The following ATRNL1 variants were observed in gnomAD, a reference collection of about 807,000 sequenced individuals.
ATRNL1 encodes the protein attractin like 1, also known as attractin-like protein 1.
In ATRNL1, 95 loss-of-function variants were observed where a neutral mutation model predicts 182.7. That is an observed-to-expected ratio of 0.52 (90% CI 0.44 to 0.62). The LOEUF (loss-of-function observed/expected upper bound fraction) is 0.62. Ranked by LOEUF, ATRNL1 falls within the 20% of genes least tolerant of loss-of-function variation. ATRNL1 has a pLI of 0.00. For missense variants in ATRNL1, 1,471 were observed against 1,679.5 expected, an observed-to-expected ratio of 0.88 and a Z score of 2.17; for synonymous variants, 576 against 568.3, an observed-to-expected ratio of 1.01 and a Z score of -0.19.
intron 27 of ATRNL1, among the ~76,000 whole-genome samples, chr10:115,838,840 TA>T (rs1950739841): frequency 1.3e-5 from 2 of 152,148 alleles, no homozygotes; most frequent in Admixed American, 1.3e-4. Context: ...CTTGTAGAGT[TA>T]ATGTTCACCT....
chr10:115,117,552 T>C (rs1283608506), intron 1 of ATRNL1, among the ~76,000 whole-genome samples: 1 of 152,180 alleles, frequency 6.6e-6, no homozygotes, highest in Non-Finnish European at 1.5e-5. Context: ...TTTTTATGGC[T>C]GAATAGTAAT....
intron 27 of ATRNL1, among the ~76,000 whole-genome samples, chr10:115,744,359 A>G (rs1948229499): frequency 6.6e-6 from 1 of 152,076 alleles, no homozygotes; most frequent in Non-Finnish European, 1.5e-5. Flanking sequence ...CATAATTGAT[A>G]CTCTAGAATA....
At chr10:115,642,023 C>T (rs770880377) in intron 26 of ATRNL1, among the ~76,000 whole-genome samples, 17 of 151,888 alleles carry the variant, frequency 1.1e-4, no homozygotes, top group African/African-American at 3.4e-4. Flanking sequence ...AAAATAAACA[C>T]GCAGAGCAAT....
chr10:115,751,768 T>C (rs538392110), intron 27 of ATRNL1, among the ~76,000 whole-genome samples: 13 of 152,196 alleles, frequency 8.5e-5, no homozygotes, highest in African/African-American at 2.4e-4. Context: ...AAGTGGCAAG[T>C]TGAAAACAAA....
At chr10:115,516,821 T>A (rs1341742928) in intron 24 of ATRNL1, among the ~76,000 whole-genome samples, 1 of 151,916 alleles carries the variant, frequency 6.6e-6, no homozygotes, top group Admixed American at 6.6e-5. Flanking sequence ...GGATATAAGC[T>A]CATATATCAC....
intron 26 of ATRNL1, among the ~76,000 whole-genome samples, chr10:115,598,625 G>T (rs1856416596): frequency 6.6e-6 from 1 of 151,762 alleles, no homozygotes; most frequent in Non-Finnish European, 1.5e-5. Context: ...GCCTCTCAAA[G>T]TAAAAATTAT....
intron 24 of ATRNL1, among the ~76,000 whole-genome samples, chr10:115,488,307 T>A (rs1022198463): frequency 6.6e-6 from 1 of 152,190 alleles, no homozygotes; most frequent in African/African-American, 2.4e-5. Flanking sequence ...TACCAGTTCC[T>A]CTTGGTACCT....
intron 9 of ATRNL1, among the ~76,000 whole-genome samples, chr10:115,219,246 A>G (rs895103227): frequency 1.3e-5 from 2 of 151,972 alleles, no homozygotes; most frequent in South Asian, 4.1e-4. Flanking sequence ...AAAAAAAAAA[A>G]AAAGAAAAAG....
intron 9 of ATRNL1, among the ~76,000 whole-genome samples, chr10:115,221,030 T>C (rs547412428): frequency 7.6e-4 from 116 of 152,294 alleles, no homozygotes; most frequent in Non-Finnish European, 1.4e-3. Flanking sequence ...CCACCTCAGA[T>C]CATCAAGCAT....
chr10:115,234,312 T>C (rs1265937008), intron 9 of ATRNL1, among the ~76,000 whole-genome samples: 2 of 152,054 alleles, frequency 1.3e-5, no homozygotes, highest in Non-Finnish European at 2.9e-5. Context: ...ATATCTGTAG[T>C]TGTGTTCCCT....
chr10:115,228,283 A>T (rs11197127), intron 9 of ATRNL1, among the ~76,000 whole-genome samples: 33,430 of 152,132 alleles, frequency 0.22, 4,691 homozygotes, highest in Non-Finnish European at 0.31. Context: ...TTTAATAAGT[A>T]AGAGAGAATA....
At chr10:115,604,647 G>A (rs2769383) in intron 26 of ATRNL1, among the ~76,000 whole-genome samples, 45,458 of 151,994 alleles carry the variant, frequency 0.3, 7,912 homozygotes, top group East Asian at 0.68. Flanking sequence ...TTCCCATTTA[G>A]GATACCCTTC....
chr10:115,925,329 CA>C lies in ATRNL1; in HGVS notation c.4019-19328del, dbSNP rs565453154. Among the ~76,000 whole-genome samples the C allele has an allele frequency of 2.6e-5, 4 of 152,044 alleles. No homozygotes were observed. In the South Asian group the frequency reaches 8.3e-4, roughly 32 times the overall value. The stretch of plus-strand genomic sequence containing the variant: ...GAGGGCAAAATATAAAGACCAATGA[CA>C]CTATGAAGAAACTGAATCAACTAGT... On this transcript the variant is annotated intron_variant, in intron 28 of 28. Coordinates refer to ENST00000355044, the MANE Select transcript of ATRNL1 (RefSeq NM_207303.4).
Position 115,254,954 on chromosome 10 carries a change from A to G in ATRNL1, c.1688-10239A>G, listed in dbSNP as rs75317392. Among the ~76,000 whole-genome samples the G allele has an allele frequency of 8.4e-3, 1,280 of 152,098 alleles. 16 individuals carry two copies. The highest frequency in any genetic ancestry group is 0.026 in the African/African-American group (1,059 of 41,508). On this transcript the variant is annotated intron_variant, in intron 10 of 28. Coordinates refer to ENST00000355044, the MANE Select transcript of ATRNL1 (RefSeq NM_207303.4). ...AAAGATCAGATGTTTGTAGATGTGT[A>G]GTATTATTTCTGAGGGCTCTGTTCT...
At chr10:115,563,977 TG>T (rs1555000670) in intron 26 of ATRNL1, among the ~76,000 whole-genome samples, 2 of 152,244 alleles carry the variant, frequency 1.3e-5, no homozygotes, top group Middle Eastern at 3.4e-3. Context: ...GTTCTCCTCA[TG>T]TCCAAGAATC....
intron 8 of ATRNL1, among the ~76,000 whole-genome samples, chr10:115,211,482 G>GT (rs1849021032): frequency 6.6e-6 from 1 of 151,646 alleles, no homozygotes; most frequent in African/African-American, 2.4e-5. Context: ...CTTGTCTTTA[G>GT]TTTTTAGAAG....
At chr10:115,763,259 A>G (rs1163316390) in intron 27 of ATRNL1, among the ~76,000 whole-genome samples, 2 of 152,310 alleles carry the variant, frequency 1.3e-5, no homozygotes, top group East Asian at 1.9e-4. Context: ...TAAATCTGGA[A>G]TTGGAAACAT....
chr10:115,397,763 T>G (rs1371044989), intron 20 of ATRNL1, among the ~76,000 whole-genome samples: 1 of 151,968 alleles, frequency 6.6e-6, no homozygotes, highest in African/African-American at 2.4e-5. Context: ...ATTTCCGGTC[T>G]TTGCTCAAGA....
intron 27 of ATRNL1, among the ~76,000 whole-genome samples, chr10:115,799,016 G>A (rs1179697362): frequency 6.6e-6 from 1 of 151,766 alleles, no homozygotes; most frequent in Non-Finnish European, 1.5e-5. Context: ...TAGCAGAGAT[G>A]GGATTTCACT....
Sources: allele counts gnomAD v4.1 joint callset (sites outside exome capture counted in the v4.1 genomes callset), GRCh38; gene constraint gnomAD v4.1.1; transcripts MANE v1.5; gene names NCBI Gene and HGNC (gene_info 2026-07-23, HGNC 2026-07-21).